EIF3J: variants seen among roughly 807,000 people sequenced by gnomAD.
EIF3J encodes the protein eukaryotic translation initiation factor 3, subunit 1 (alpha, 35kD).
Under a neutral mutation model 39.0 loss-of-function variants are expected in EIF3J, and 15 were observed. The ratio of observed to expected loss-of-function variants is 0.38; its 90% CI spans 0.26 to 0.59. The LOEUF is 0.59. Among genes scored for constraint, EIF3J ranks in the 20% least tolerant of loss-of-function variants. EIF3J has a pLI of 0.60. For missense variants in EIF3J, 226 were observed against 308.6 expected (o/e 0.73, Z 2.00); for synonymous variants, 98 against 112.9 (o/e 0.87, Z 0.84).
At chr15:44,560,710 A>G (rs1313327440) in intron 7 of EIF3J, 2 of 341,466 alleles carry the variant, frequency 5.9e-6, no homozygotes, top group Non-Finnish European at 1.1e-5. Context: ...TTGTGATTTT[A>G]AATTGGGGGG....
intron 2 of EIF3J, among the ~76,000 whole-genome samples, chr15:44,549,248 C>T (rs1225913508): frequency 6.6e-6 from 1 of 151,730 alleles, no homozygotes; most frequent in Admixed American, 6.6e-5. Context: ...ACAAAGTTAG[C>T]CAGGCATGGT....
At chr15:44,557,672 C>A (rs781697830) in intron 6 of EIF3J, 22 bp downstream of exon 6, 1 of 1,425,104 alleles carries the variant, frequency 7.0e-7, no homozygotes, top group Non-Finnish European at 9.2e-7. Flanking sequence ...TAATTTCTAG[C>A]CCCTCTGGGT....
At chr15:44,544,652 T>G (rs1440925780) in intron 2 of EIF3J, among the ~76,000 whole-genome samples, 1 of 139,712 alleles carries the variant, frequency 7.2e-6, no homozygotes, top group Non-Finnish European at 1.5e-5. Flanking sequence ...TGCGGTGAGC[T>G]GAGATCGTGC....
At chr15:44,557,417 T>C (rs1381914660) in intron 5 of EIF3J, 72 bp from the exon 6 acceptor site, 16 of 1,192,920 alleles carry the variant, frequency 1.3e-5, no homozygotes, top group Non-Finnish European at 1.7e-5. Context: ...CAGATAGCTA[T>C]TGGCTTTGTA....
chr15:44,557,454 T>A, intron 5 of EIF3J, 35 bp from the exon 6 acceptor site: 2 of 1,459,772 alleles, frequency 1.4e-6, no homozygotes, highest in Non-Finnish European at 1.8e-6. Context: ...AATCCTAACC[T>A]CCTGATACTT....
chr15:44,539,983 A>G (rs2081997326), intron 2 of EIF3J, among the ~76,000 whole-genome samples: 1 of 144,508 alleles, frequency 6.9e-6, no homozygotes, highest in African/African-American at 2.6e-5. Flanking sequence ...TCTGTCACCC[A>G]GGCTGGAGTG....
In EIF3J at chr15:44,538,170, T is replaced by G. The variant is rs561447401; in HGVS notation, c.147+743T>G. ...GTTGTAGATGACGGGCCCGTGGTTTTTTGTTGTTGTTGTTGTTTTGTCTGT... is the reference window on the plus strand; with the variant it reads ...GTTGTAGATGACGGGCCCGTGGTTTGTTGTTGTTGTTGTTGTTTTGTCTGT... On this transcript the variant is annotated intron_variant, in intron 2 of 7. Transcript: ENST00000261868. 5.9e-5 allele frequency among the ~76,000 whole-genome samples: 9 copies of G among 152,248 alleles called. No individual in the cohort carries two copies. In the South Asian group the frequency reaches 1.5e-3, roughly 25 times the overall value.
intron 4 of EIF3J, among the ~76,000 whole-genome samples, chr15:44,552,652 C>T (rs990558908): frequency 1.2e-4 from 18 of 152,160 alleles, no homozygotes; most frequent in Admixed American, 9.2e-4. Flanking sequence ...GCAACCTTCT[C>T]CCGGGTTCAA....
chr15:44,545,528 A>G (rs1382294515), intron 2 of EIF3J, among the ~76,000 whole-genome samples: 1 of 152,248 alleles, frequency 6.6e-6, no homozygotes, highest in East Asian at 1.9e-4. Context: ...TTTTATTTTC[A>G]ATAAAAAGGT....
intron 2 of EIF3J, among the ~76,000 whole-genome samples, chr15:44,542,127 G>A (rs1036584570): frequency 1.3e-5 from 2 of 152,208 alleles, no homozygotes; most frequent in East Asian, 3.8e-4. Flanking sequence ...TATGTTAAAA[G>A]CTTAATGAAT....
Position 44,550,473 on chromosome 15 carries a change from T to A in EIF3J, c.148-403T>A, listed in dbSNP as rs562774457. On this transcript the variant is annotated intron_variant, in intron 2 of 7. Transcript: ENST00000261868. ...TGCCCAGTTAATTTTTTAATTTTTTTTTTTTTTGCAGAGACTGGGTCTTGC... is the reference window on the plus strand; with the variant it reads ...TGCCCAGTTAATTTTTTAATTTTTTATTTTTTTGCAGAGACTGGGTCTTGC... Among the ~76,000 whole-genome samples the A allele has an allele frequency of 3.3e-5, 5 of 152,136 alleles. No homozygotes were observed. In the South Asian group the frequency reaches 6.2e-4, roughly 19 times the overall value.
chr15:44,549,536 G>A (rs563538559), intron 2 of EIF3J, among the ~76,000 whole-genome samples: 43 of 152,214 alleles, frequency 2.8e-4, no homozygotes, highest in Middle Eastern at 3.4e-3. Context: ...TCGGGAAGCC[G>A]AGGCGGGCGG....
At chr15:44,553,451 CA>C (rs1298318151) in intron 4 of EIF3J, among the ~76,000 whole-genome samples, 4 of 151,046 alleles carry the variant, frequency 2.6e-5, no homozygotes, top group African/African-American at 9.7e-5. Context: ...GAGATCGCAC[CA>C]CTGCACTCCA....
chr15:44,538,994 T>A (rs2081985084), intron 2 of EIF3J, among the ~76,000 whole-genome samples: 1 of 152,078 alleles, frequency 6.6e-6, no homozygotes, highest in Admixed American at 6.6e-5. Context: ...GATTAAGGGA[T>A]CTAAATGGTA....
chr15:44,544,336 A>G (rs1285382127), intron 2 of EIF3J, among the ~76,000 whole-genome samples: 2 of 151,216 alleles, frequency 1.3e-5, no homozygotes, highest in African/African-American at 2.4e-5. Context: ...GAACTCAGGT[A>G]TTCCACCCAC....
At chr15:44,546,454 A>G (rs1436655488) in intron 2 of EIF3J, among the ~76,000 whole-genome samples, 1 of 152,228 alleles carries the variant, frequency 6.6e-6, no homozygotes, top group Non-Finnish European at 1.5e-5. Context: ...TGGTTAGTTT[A>G]TATTCCTAGA....
rs575862880 is a variant in EIF3J, at chr15:44,546,338, C to A, written c.148-4538C>A. Reference sequence around the variant, plus strand: ...ATAAAAATACACTTACTTTTTAATACAAAGTTCCTTTAATTATGCTTGCAG... The same window carrying A: ...ATAAAAATACACTTACTTTTTAATAAAAAGTTCCTTTAATTATGCTTGCAG... On this transcript the variant is annotated intron_variant, in intron 2 of 7. Coordinates refer to ENST00000261868, the MANE Select transcript of EIF3J (RefSeq NM_003758.4). Among the ~76,000 whole-genome samples, 6 of 152,306 alleles carry A rather than the reference C, an allele frequency of 3.9e-5. No individual in the cohort carries two copies. In the South Asian group the frequency reaches 1.0e-3, roughly 26 times the overall value.
At position 44,561,239 on chromosome 15, in the gene EIF3J, G is replaced by A; in HGVS notation, c.*90G>A. ...TCCTTTCCTTTCAGTTCTGCCAAAT[G>A]CTACAATCAGAAGTGCAGTATCTTT... is the stretch of plus-strand genomic sequence containing the variant. On this transcript the variant is annotated 3_prime_UTR_variant, in exon 8 of 8. Transcript: ENST00000261868. 6.9e-7 allele frequency: 1 copy of A among 1,446,426 alleles called. No homozygotes were observed. Among genetic ancestry groups the A allele is most frequent in the Non-Finnish European group, 9.3e-7 (1 of 1,071,668 alleles). 89.6% of individuals were successfully genotyped at this position (1,446,426 alleles called of 1,614,324 possible). A position where few individuals can be genotyped will look rare whatever the true frequency, so the allele number is the denominator to read the frequency against.
At chr15:44,545,499 T>C (rs188647273) in intron 2 of EIF3J, among the ~76,000 whole-genome samples, 104 of 152,352 alleles carry the variant, frequency 6.8e-4, no homozygotes, top group African/African-American at 2.5e-3. Context: ...TAAAACATGC[T>C]TTTTAAAAAA....
Sources: gnomAD v4.1 joint callset for allele counts (sites outside exome capture counted in the v4.1 genomes callset) on GRCh38, gnomAD v4.1.1 for gene constraint, MANE v1.5 for transcripts, NCBI Gene and HGNC (gene_info 2026-07-23, HGNC 2026-07-21) for gene names.